Variants in MAST4 observed in about 807,000 individuals in gnomAD.
MAST4 encodes the protein microtubule associated serine/threonine kinase family member 4, also known as microtubule-associated serine/threonine-protein kinase 4.
MAST4 carries 89 observed loss-of-function variants against 162.7 expected under a neutral mutation model. The observed-to-expected ratio is 0.55, with a 90% CI of 0.46 to 0.65. The LOEUF is 0.65. Ranked by LOEUF, MAST4 falls within the 30% of genes least tolerant of loss-of-function variation. The pLI is 0.00. For missense variants in MAST4, 3,153 were observed against 3,374.0 expected (o/e 0.93, Z 1.62); for synonymous variants, 1,479 against 1,361.1 (o/e 1.09, Z -1.91).
chr5:67,042,769 AT>A (rs1756921875), intron 4 of MAST4, among the ~76,000 whole-genome samples: 1 of 152,246 alleles, frequency 6.6e-6, no homozygotes, highest in Non-Finnish European at 1.5e-5. Context: ...ATTTTGCAAG[AT>A]ACTGAATTAG....
At chr5:67,090,100 T>C in intron 5 of MAST4, 62 bp from the exon 6 acceptor site, 2 of 1,126,908 alleles carry the variant, frequency 1.8e-6, no homozygotes, top group Non-Finnish European at 2.7e-6. Flanking sequence ...AGGAGAGAAT[T>C]ATTGATGTGG....
intron 4 of MAST4, among the ~76,000 whole-genome samples, chr5:66,914,854 G>A (rs1764004368): frequency 6.6e-6 from 1 of 152,112 alleles, no homozygotes. Flanking sequence ...AGTGGAGAGA[G>A]GTCAGGGATA....
In MAST4 at chr5:67,163,361, G is replaced by A. The variant is rs747064629; in HGVS notation, c.4182G>A (p.Arg1394=). 4 of 1,612,506 alleles carry A rather than the reference G, an allele frequency of 2.5e-6. No homozygotes were observed. The highest frequency in any genetic ancestry group is 3.4e-6 in the Non-Finnish European group (4 of 1,179,854). The part of the protein sequence containing the change: ...SPTPQPTSPQ[R]SPSPLLGHSL... ...CCCCGCAACCCACCTCCCCGCAGCG[G>A]TCACCATCCCCTCTTCTGGGACACT... The change falls in exon 29 of 29, where the codon CGG becomes CGA. Residue 1394 remains arginine, a synonymous_variant. Coordinates refer to ENST00000403625, the MANE Select transcript of MAST4 (RefSeq NM_001164664.2). The surrounding 1 kb of genome is among the most constrained non-coding windows in gnomAD (Gnocchi z 7.0).
chr5:66,692,682 G>A (rs1387081175), intron 1 of MAST4, among the ~76,000 whole-genome samples: 1 of 152,098 alleles, frequency 6.6e-6, no homozygotes, highest in South Asian at 2.1e-4. Flanking sequence ...ATCATTCATC[G>A]CCTTTTGATT....
intron 13 of MAST4, among the ~76,000 whole-genome samples, chr5:67,119,908 T>C (rs1358080501): frequency 6.6e-6 from 1 of 151,952 alleles, no homozygotes; most frequent in African/African-American, 2.4e-5. Context: ...AGAGCAGTAA[T>C]AGTGAGTGAA....
Position 67,034,134 on chromosome 5 carries a change from T to C in MAST4, c.675-20270T>C, listed in dbSNP as rs543116535. ...AACTTGCCTAAAAGGCCTATATCTT[T>C]TGTTGTGTTGTCATCACAAGCCACA... On this transcript the variant is annotated intron_variant, in intron 4 of 28. Coordinates refer to ENST00000403625, the MANE Select transcript of MAST4 (RefSeq NM_001164664.2). 7.2e-5 allele frequency among the ~76,000 whole-genome samples: 11 copies of C among 152,276 alleles called. No homozygotes were observed. The East Asian group carries it at 1.7e-3, about 24-fold the overall frequency.
chr5:67,075,192 A>G (rs1305561315), intron 5 of MAST4, among the ~76,000 whole-genome samples: 3 of 136,820 alleles, frequency 2.2e-5, no homozygotes, highest in Non-Finnish European at 4.6e-5. Flanking sequence ...TCCTTTTTAG[A>G]GAGAGTTTTG....
chr5:67,039,052 A>G (rs12518430), intron 4 of MAST4, among the ~76,000 whole-genome samples: 39,382 of 152,136 alleles, frequency 0.26, 5,572 homozygotes, highest in African/African-American at 0.35. Context: ...GGAATGACTC[A>G]CTTGGTAGCT....
chr5:66,672,323 C>G (rs888781312), intron 1 of MAST4, among the ~76,000 whole-genome samples: 2 of 152,162 alleles, frequency 1.3e-5, no homozygotes, highest in South Asian at 2.1e-4. Context: ...AGTGAAATGT[C>G]CTTCCTTTTT....
At chr5:66,881,979 TGAGAA>T (rs1189671235) in intron 3 of MAST4, among the ~76,000 whole-genome samples, 2 of 152,188 alleles carry the variant, frequency 1.3e-5, no homozygotes, top group Admixed American at 1.3e-4. Flanking sequence ...CAGTAGTACT[TGAGAA>T]GAGAAACCTG....
intron 4 of MAST4, among the ~76,000 whole-genome samples, chr5:67,022,681 C>G (rs2150394381): frequency 6.6e-6 from 1 of 152,180 alleles, no homozygotes; most frequent in East Asian, 1.9e-4. Context: ...TTTACTTTTC[C>G]CCTTTAACAC....
At chr5:67,140,347 T>C in intron 19 of MAST4, among the ~76,000 whole-genome samples, 1 of 152,100 alleles carries the variant, frequency 6.6e-6, no homozygotes, top group East Asian at 1.9e-4. Flanking sequence ...TAGAAGAAAA[T>C]AAGATGGGCA....
chr5:67,154,098 C>T (rs1199153916), intron 26 of MAST4, among the ~76,000 whole-genome samples: 2 of 152,180 alleles, frequency 1.3e-5, no homozygotes, highest in South Asian at 2.1e-4. Context: ...CCTCCCTCCC[C>T]ACCATACAAA....
chr5:66,949,654 A>G, intron 4 of MAST4, among the ~76,000 whole-genome samples: 1 of 152,140 alleles, frequency 6.6e-6, no homozygotes, highest in Non-Finnish European at 1.5e-5. Flanking sequence ...TTGGTCACAG[A>G]TAGTCTGTAA....
At position 67,164,263 on chromosome 5, in the gene MAST4, T is replaced by C; in HGVS notation, c.5084T>C (p.Leu1695Pro). ...NIDYLRKKMSLEDKEDNLCPV... is the reference protein window; with the variant it reads ...NIDYLRKKMSPEDKEDNLCPV... The stretch of plus-strand genomic sequence containing the variant: ...GATTACCTCCGAAAGAAAATGTCAC[T>C]TGAGGACAAAGAGGACAACCTCTGC... The change falls in exon 29 of 29, where the codon CTT becomes CCT. Residue 1695 changes from leucine (L) to proline (P), a missense_variant. Transcript: ENST00000403625. The surrounding 1 kb of genome is among the most constrained non-coding windows in gnomAD (Gnocchi z 5.3). 6.2e-7 allele frequency: 1 copy of C among 1,613,984 alleles called. No homozygotes were observed. The highest frequency in any genetic ancestry group is 8.5e-7 in the Non-Finnish European group (1 of 1,179,872).
At chr5:66,927,398 CAT>C (rs1026552430) in intron 4 of MAST4, among the ~76,000 whole-genome samples, 4 of 152,320 alleles carry the variant, frequency 2.6e-5, no homozygotes, top group Non-Finnish European at 4.4e-5. Flanking sequence ...GTTAACATCA[CAT>C]GTGCAGGTTT....
In MAST4 at chr5:66,596,443, A is replaced by C; in HGVS notation, c.-213A>C. Reference sequence around the variant, plus strand: ...GAGCGGGCATGTCCCCGCGCGCGGGAGCCTCCGTTTGCGGCCGGGCCCGGG... The same window carrying C: ...GAGCGGGCATGTCCCCGCGCGCGGGCGCCTCCGTTTGCGGCCGGGCCCGGG... On this transcript the variant is annotated 5_prime_UTR_variant, in exon 1 of 29. Transcript: ENST00000403625. The C allele has an allele frequency of 2.1e-6, 1 of 478,138 alleles. No individual in the cohort carries two copies. Among genetic ancestry groups the C allele is most frequent in the Non-Finnish European group, 3.3e-6 (1 of 299,794 alleles). 29.6% of individuals were successfully genotyped at this position (478,138 alleles called of 1,614,324 possible).
intron 5 of MAST4, among the ~76,000 whole-genome samples, chr5:67,060,764 C>T (rs974468460): frequency 6.6e-6 from 1 of 152,018 alleles, no homozygotes; most frequent in Non-Finnish European, 1.5e-5. Flanking sequence ...TATTATAACC[C>T]AGTGCCATCC....
chr5:66,631,718 A>T (rs1580050488), intron 1 of MAST4, among the ~76,000 whole-genome samples: 2 of 152,154 alleles, frequency 1.3e-5, no homozygotes. Context: ...CACAAGAAGA[A>T]GATTTTACAT....
Sources: allele counts gnomAD v4.1 joint callset (sites outside exome capture counted in the v4.1 genomes callset), GRCh38; gene constraint gnomAD v4.1.1; non-coding constraint Gnocchi (gnomAD v3.1); transcripts MANE v1.5; gene names NCBI Gene and HGNC (gene_info 2026-07-23, HGNC 2026-07-21).